CSMD1: variants seen among roughly 807,000 people sequenced by gnomAD.
The protein encoded by CSMD1 is CUB and sushi domain-containing protein 1.
Under a neutral mutation model 417.5 loss-of-function variants are expected in CSMD1, and 213 were observed. The ratio of observed to expected loss-of-function variants is 0.51; its 90% CI spans 0.46 to 0.57. CSMD1 has a LOEUF of 0.57. CSMD1 is among the 20% of genes least tolerant of loss of function. CSMD1 has a pLI of 0.00. For synonymous variants in CSMD1, 2,862 were observed against 1,736.8 expected (o/e 1.65, Z -16.11); for missense variants, 6,923 against 4,529.7 (o/e 1.53, Z -15.17).
intron 36 of CSMD1, chr8:3,182,841 G>GTGTGT (rs1554454771): frequency 1.7e-4 from 2 of 11,470 alleles, no homozygotes; most frequent in East Asian, 6.0e-3. Flanking sequence ...TTTATAAGAA[G>GTGTGT]GTGTGTGTGT....
chr8:4,363,258 A>T (rs1801878159), intron 3 of CSMD1, among the ~76,000 whole-genome samples: 1 of 152,152 alleles, frequency 6.6e-6, no homozygotes, highest in Non-Finnish European at 1.5e-5. Flanking sequence ...TTTTTCCATT[A>T]TCACCCCTTA....
At chr8:3,385,723 G>C (rs1376492617) in intron 18 of CSMD1, among the ~76,000 whole-genome samples, 1 of 152,068 alleles carries the variant, frequency 6.6e-6, no homozygotes, top group Non-Finnish European at 1.5e-5. Context: ...TTATTTTAGA[G>C]TTTACTTAAA....
chr8:3,167,029 G>C (rs1417271408), intron 37 of CSMD1, among the ~76,000 whole-genome samples: 3 of 152,154 alleles, frequency 2.0e-5, no homozygotes, highest in East Asian at 1.9e-4. Context: ...GCTCACGCCT[G>C]TCATCCCAGC....
rs899165507 is a variant in CSMD1, at chr8:3,593,106, G to C, written c.1098-6846C>G. On this transcript the variant is annotated intron_variant, in intron 8 of 69. Coordinates refer to ENST00000635120, the MANE Select transcript of CSMD1 (RefSeq NM_033225.6). ...AGCTGAGTCCTGCTTAAAGCGGTCT[G>C]GCTACCGCCAGAACTTGTCACTGGA... 2.6e-5 allele frequency among the ~76,000 whole-genome samples: 4 copies of C among 152,212 alleles called. No homozygotes were observed. In the East Asian group the frequency reaches 7.7e-4, roughly 29 times the overall value.
intron 2 of CSMD1, among the ~76,000 whole-genome samples, chr8:4,459,247 G>C (rs528012950): frequency 6.6e-6 from 1 of 152,214 alleles, no homozygotes; most frequent in Non-Finnish European, 1.5e-5. Context: ...CTCAACTCCA[G>C]AATAAAAGGT....
intron 1 of CSMD1, among the ~76,000 whole-genome samples, chr8:4,959,339 C>T (rs1340791053): frequency 1.3e-5 from 2 of 152,166 alleles, no homozygotes; most frequent in African/African-American, 4.8e-5. Flanking sequence ...CAACATGTAC[C>T]TGGTGTTCCC....
chr8:4,356,325 G>A (rs7017878), intron 3 of CSMD1, among the ~76,000 whole-genome samples: 108,253 of 151,586 alleles, frequency 0.71, 38,666 homozygotes, highest in East Asian at 0.78. Flanking sequence ...TTCATCATAT[G>A]TAATACACAC....
At chr8:4,668,550 C>A (rs548128336) in intron 1 of CSMD1, among the ~76,000 whole-genome samples, 1 of 151,266 alleles carries the variant, frequency 6.6e-6, no homozygotes, top group Non-Finnish European at 1.5e-5. Flanking sequence ...CCCTGGTTCA[C>A]GCCATTCTCC....
intron 3 of CSMD1, among the ~76,000 whole-genome samples, chr8:4,099,589 T>C (rs1413625115): frequency 2.0e-5 from 3 of 151,996 alleles, no homozygotes; most frequent in Non-Finnish European, 4.4e-5. Flanking sequence ...TCAATCAAAC[T>C]GTTCTTCAAA....
intron 3 of CSMD1, among the ~76,000 whole-genome samples, chr8:4,111,950 G>C (rs527898485): frequency 7.9e-5 from 12 of 151,692 alleles, no homozygotes; most frequent in Admixed American, 2.6e-4. Context: ...CAAAAGCACA[G>C]TCTCTGTAAT....
Position 3,224,423 on chromosome 8 carries a change from A to T in CSMD1, c.4346-556T>A, listed in dbSNP as rs533464879. On this transcript the variant is annotated intron_variant, in intron 27 of 69. Transcript: ENST00000635120. ...CTGGATCTGAACAAGTGTTCAGGAAATGGTTATTGGGTACATGAAAACATG... is the reference window on the plus strand; with the variant it reads ...CTGGATCTGAACAAGTGTTCAGGAATTGGTTATTGGGTACATGAAAACATG... Among the ~76,000 whole-genome samples, 507 of 152,298 alleles carry T rather than the reference A, an allele frequency of 3.3e-3. 2 individuals are homozygous for T. The highest frequency in any genetic ancestry group is 5.7e-3 in the Non-Finnish European group (387 of 68,030).
chr8:3,306,437 G>GTGTT (rs958172011), intron 25 of CSMD1, among the ~76,000 whole-genome samples: 3 of 152,076 alleles, frequency 2.0e-5, no homozygotes, highest in South Asian at 2.1e-4. Flanking sequence ...GCCTCCCAAA[G>GTGTT]TGTTAGGCAT....
intron 1 of CSMD1, among the ~76,000 whole-genome samples, chr8:4,908,387 T>A (rs547714957): frequency 2.0e-5 from 3 of 152,314 alleles, no homozygotes; most frequent in South Asian, 2.1e-4. Context: ...GGTTCTGTAG[T>A]TTAGTGTCTA....
chr8:4,922,593 G>A (rs1248262346), intron 1 of CSMD1, among the ~76,000 whole-genome samples: 1 of 152,074 alleles, frequency 6.6e-6, no homozygotes, highest in African/African-American at 2.4e-5. Flanking sequence ...GCTATTGATA[G>A]CGCTCATGAG....
chr8:3,854,918 C>G (rs1642698635), intron 5 of CSMD1, among the ~76,000 whole-genome samples: 1 of 152,078 alleles, frequency 6.6e-6, no homozygotes, highest in Non-Finnish European at 1.5e-5. Flanking sequence ...GCATTTCTAA[C>G]ATGTAACAAT....
chr8:4,234,707 G>C (rs766022837), intron 3 of CSMD1, among the ~76,000 whole-genome samples: 3 of 152,048 alleles, frequency 2.0e-5, no homozygotes, highest in Non-Finnish European at 4.4e-5. Flanking sequence ...TGTGGTGTAC[G>C]GCCACACGGT....
At chr8:4,837,487 G>C (rs902657755) in intron 1 of CSMD1, among the ~76,000 whole-genome samples, 4 of 152,126 alleles carry the variant, frequency 2.6e-5, no homozygotes, top group Non-Finnish European at 4.4e-5. Context: ...AAATAAGCCA[G>C]GCACAGAAAG....
intron 5 of CSMD1, among the ~76,000 whole-genome samples, chr8:3,876,614 G>C (rs938759209): frequency 6.6e-6 from 1 of 152,080 alleles, no homozygotes; most frequent in African/African-American, 2.4e-5. Flanking sequence ...GTTTTTGTTT[G>C]TTTCTTTGTT....
At chr8:4,601,852 T>C (rs1800604780) in intron 2 of CSMD1, among the ~76,000 whole-genome samples, 1 of 152,176 alleles carries the variant, frequency 6.6e-6, no homozygotes, top group South Asian at 2.1e-4. Context: ...TCACCCTGGG[T>C]TCTGAGTCAG....
Sources: gnomAD v4.1 joint callset for allele counts (sites outside exome capture counted in the v4.1 genomes callset) on GRCh38, gnomAD v4.1.1 for gene constraint, MANE v1.5 for transcripts, NCBI Gene and HGNC (gene_info 2026-07-23, HGNC 2026-07-21) for gene names.